CACNA1C: variants seen among roughly 807,000 people sequenced by gnomAD.
CACNA1C encodes the protein voltage-dependent L-type calcium channel subunit alpha-1C.
In CACNA1C, 30 loss-of-function variants were observed where a neutral mutation model predicts 229.0. The ratio of observed to expected loss-of-function variants is 0.13; its 90% CI spans 0.10 to 0.18. The LOEUF is 0.18. Ranked by LOEUF, CACNA1C falls within the 10% of genes least tolerant of loss-of-function variation. CACNA1C has a pLI of 1.00. For synonymous variants in CACNA1C, 1,114 were observed against 1,132.5 expected, an observed-to-expected ratio of 0.98 and a Z score of 0.33; for missense variants, 1,658 against 2,845.0, an observed-to-expected ratio of 0.58 and a Z score of 9.49.
intron 38 of CACNA1C, among the ~76,000 whole-genome samples, chr12:2,673,976 C>CTTTT (rs2096672450): frequency 6.6e-6 from 1 of 152,226 alleles, no homozygotes; most frequent in African/African-American, 2.4e-5. Context: ...CTCAGCTTTC[C>CTTTT]TTTTTCATCA....
At chr12:1,990,737 G>C (rs2039156926) in intron 1 of CACNA1C, among the ~76,000 whole-genome samples, 1 of 152,106 alleles carries the variant, frequency 6.6e-6, no homozygotes, top group Admixed American at 6.6e-5. Context: ...CCTGAGTAAA[G>C]CTGAGTTCCT....
chr12:2,502,402 A>G (rs1342181392), intron 7 of CACNA1C, among the ~76,000 whole-genome samples: 1 of 152,226 alleles, frequency 6.6e-6, no homozygotes, highest in Non-Finnish European at 1.5e-5. Flanking sequence ...AACAGCAAAT[A>G]ATACACGTAA....
At chr12:2,237,940 T>C (rs2068098663) in intron 3 of CACNA1C, among the ~76,000 whole-genome samples, 1 of 152,158 alleles carries the variant, frequency 6.6e-6, no homozygotes, top group Admixed American at 6.5e-5. Flanking sequence ...ACATTTCCAG[T>C]GGTATCAAGG....
chr12:2,343,013 A>T (rs1393877696), intron 3 of CACNA1C, among the ~76,000 whole-genome samples: 1 of 152,254 alleles, frequency 6.6e-6, no homozygotes, highest in Non-Finnish European at 1.5e-5. Flanking sequence ...GCTGATTAAA[A>T]GAGAAAAAAC....
Position 2,690,948 on chromosome 12 carries a change from A to C in CACNA1C, c.6166A>C (p.Ile2056Leu). The C allele has an allele frequency of 6.3e-7, 1 of 1,596,906 alleles. No individual in the cohort carries two copies. Among genetic ancestry groups the C allele is most frequent in the Non-Finnish European group, 8.5e-7 (1 of 1,171,036 alleles). Reference protein sequence around the residue: ...LGQFAQDPKFIEVTTQELADA... With the variant: ...LGQFAQDPKFLEVTTQELADA... ...GCAGTTTGCTCAAGATCCCAAGTTC[A>C]TCGAGGTCACCACCCAGGAGCTGGC... The change falls in exon 47 of 47, where the codon ATC becomes CTC. Residue 2056 changes from isoleucine to leucine, a missense_variant. By Grantham distance (5) the Ile-to-Leu change is conservative. This residue lies in a region of CACNA1C where 590 missense variants were observed against 700.8 expected (regional missense o/e 0.84). Transcript: ENST00000399655.
At chr12:2,657,786 G>A (rs928146142) in intron 34 of CACNA1C, among the ~76,000 whole-genome samples, 1 of 152,050 alleles carries the variant, frequency 6.6e-6, no homozygotes, top group Non-Finnish European at 1.5e-5. Context: ...ATGGAAAAAC[G>A]AATACCATGT....
At chr12:2,188,419 T>A (rs1263944255) in intron 3 of CACNA1C, among the ~76,000 whole-genome samples, 5 of 152,196 alleles carry the variant, frequency 3.3e-5, no homozygotes, top group Non-Finnish European at 5.9e-5. Context: ...TTGTAGATGT[T>A]GTGTGAAATA....
chr12:2,612,104 G>A, intron 29 of CACNA1C, 91 bp downstream of exon 29: 2 of 793,132 alleles, frequency 2.5e-6, no homozygotes, highest in East Asian at 5.1e-5. Flanking sequence ...AGAATGAGGG[G>A]AAGAGGGAAA....
intron 3 of CACNA1C, among the ~76,000 whole-genome samples, chr12:2,237,815 C>T (rs1185924977): frequency 6.6e-6 from 1 of 152,196 alleles, no homozygotes; most frequent in Non-Finnish European, 1.5e-5. Context: ...AGCAAAACTT[C>T]AGGAAAGAGC....
intron 1 of CACNA1C, among the ~76,000 whole-genome samples, chr12:2,001,614 T>A (rs913680905): frequency 6.6e-6 from 1 of 152,222 alleles, no homozygotes; most frequent in Admixed American, 6.5e-5. Context: ...CAAATCTCTC[T>A]TCATCATGCA....
chr12:2,478,951 G>T (rs907671563), intron 5 of CACNA1C, among the ~76,000 whole-genome samples: 44 of 152,138 alleles, frequency 2.9e-4, no homozygotes, highest in African/African-American at 1.1e-3. Flanking sequence ...CTACAGCCTG[G>T]GTACGCCTGT....
At chr12:2,445,459 G>T (rs1217362850) in intron 3 of CACNA1C, among the ~76,000 whole-genome samples, 1 of 152,216 alleles carries the variant, frequency 6.6e-6, no homozygotes, top group Non-Finnish European at 1.5e-5. Context: ...AGGTGGGACA[G>T]GTCCCTCTGG....
chr12:2,693,587 G>A lies in CACNA1C; in HGVS notation c.*2388G>A, dbSNP rs972414451. ...CTGGAGCAGCCTTTCCTTCAGGCTT[G>A]CCCTAATGTTTGGGCTGCCGGGGAG... On this transcript the variant is annotated 3_prime_UTR_variant, in exon 47 of 47. Transcript: ENST00000399655. 2.0e-5 allele frequency: 3 copies of A among 152,198 alleles called. No homozygotes were observed. The highest frequency in any genetic ancestry group is 7.2e-5 in the African/African-American group (3 of 41,422). 9.4% of individuals were successfully genotyped at this position (152,198 alleles called of 1,614,324 possible).
At chr12:2,431,657 C>T (rs1042488155) in intron 3 of CACNA1C, among the ~76,000 whole-genome samples, 2 of 152,126 alleles carry the variant, frequency 1.3e-5, no homozygotes, top group Non-Finnish European at 2.9e-5. Flanking sequence ...GTGAGATCAT[C>T]TACATAAAAC....
chr12:2,251,356 A>G (rs910346148), intron 3 of CACNA1C, among the ~76,000 whole-genome samples: 7 of 152,214 alleles, frequency 4.6e-5, no homozygotes, highest in Non-Finnish European at 8.8e-5. Flanking sequence ...TTTCTAGTAC[A>G]GTGATCCTAA....
chr12:2,315,816 G>A (rs182798005), intron 3 of CACNA1C, among the ~76,000 whole-genome samples: 300 of 152,332 alleles, frequency 2.0e-3, no homozygotes, highest in Middle Eastern at 6.8e-3. Context: ...GGCTTCCCCA[G>A]AACAGAAATT....
intron 1 of CACNA1C, among the ~76,000 whole-genome samples, chr12:1,987,109 A>G (rs144464802): frequency 2.9e-4 from 44 of 152,312 alleles, no homozygotes; most frequent in African/African-American, 1.0e-3. Context: ...TAAAAAAAAG[A>G]ACTTACAGGA....
At chr12:2,210,768 C>G (rs1027029612) in intron 3 of CACNA1C, among the ~76,000 whole-genome samples, 2 of 152,130 alleles carry the variant, frequency 1.3e-5, no homozygotes, top group African/African-American at 2.4e-5. Context: ...TTCAGTCATG[C>G]AACATACCTT....
chr12:1,992,092 C>A, intron 1 of CACNA1C: 1 of 354,936 alleles, frequency 2.8e-6, no homozygotes, highest in South Asian at 2.8e-5. Flanking sequence ...AATTCCAAGT[C>A]TTTAGTAATA....
Sources: gnomAD v4.1 joint callset for allele counts (sites outside exome capture counted in the v4.1 genomes callset) on GRCh38, gnomAD v4.1.1 for gene constraint, gnomAD v4.1.1 regional missense constraint, MANE v1.5 for transcripts, NCBI Gene and HGNC (gene_info 2026-07-23, HGNC 2026-07-21) for gene names.